The following AGBL4 variants were observed in gnomAD, a reference collection of about 807,000 sequenced individuals.
AGBL4 encodes cytosolic carboxypeptidase 6.
In AGBL4, 58 loss-of-function variants were observed where a neutral mutation model predicts 66.4. The ratio of observed to expected loss-of-function variants is 0.87; its 90% confidence interval spans 0.71 to 1.09. The LOEUF (loss-of-function observed/expected upper bound fraction) is 1.09. AGBL4 is among the 50% of genes least tolerant of loss of function. The pLI is 0.00. For missense variants in AGBL4, 579 were observed against 631.0 expected, an observed-to-expected ratio of 0.92 and a Z score of 0.88; for synonymous variants, 234 against 222.9, an observed-to-expected ratio of 1.05 and a Z score of -0.44.
At chr1:49,178,996 C>CA (rs1646880317) in intron 4 of AGBL4, among the ~76,000 whole-genome samples, 1 of 152,126 alleles carries the variant, frequency 6.6e-6, no homozygotes, top group Non-Finnish European at 1.5e-5. Flanking sequence ...GTCAGAGCTA[C>CA]AAAAATCCAT....
Position 50,001,497 on chromosome 1 carries a change from A to ATG in AGBL4, c.34+22264_34+22265dup, listed in dbSNP as rs538755098. Among the ~76,000 whole-genome samples the ATG allele has an allele frequency of 5.7e-4, 76 of 132,416 alleles. No homozygotes were observed. In the East Asian group the frequency reaches 0.012, roughly 20 times the overall value. The allele number at this position is 132,416 out of a possible 152,430, so 86.9% of individuals were successfully genotyped here. A position where few individuals can be genotyped will look rare whatever the true frequency, so the allele number is the denominator to read the frequency against. ...TGTGTCTATATATACATATATATGT[A>ATG]TGTGTGTGTGTATATATATATATAT... On this transcript the variant is annotated intron_variant, in intron 1 of 13. Transcript: ENST00000371839.
At chr1:49,877,163 G>A (rs897856488) in intron 1 of AGBL4, among the ~76,000 whole-genome samples, 46 of 151,278 alleles carry the variant, frequency 3.0e-4, no homozygotes, top group African/African-American at 8.1e-4. Flanking sequence ...CGTCTCCTGT[G>A]TGATTGCCCT....
intron 3 of AGBL4, among the ~76,000 whole-genome samples, chr1:49,440,121 G>C (rs533278734): frequency 1.2e-4 from 17 of 147,826 alleles, no homozygotes; most frequent in Non-Finnish European, 1.6e-4. Context: ...CCAGGCTGGA[G>C]TGCAGTGGTG....
At chr1:49,774,619 A>C (rs1644150565) in intron 2 of AGBL4, among the ~76,000 whole-genome samples, 1 of 152,208 alleles carries the variant, frequency 6.6e-6, no homozygotes, top group Non-Finnish European at 1.5e-5. Context: ...ATTCTATCTT[A>C]ATTGAAAAGA....
intron 6 of AGBL4, among the ~76,000 whole-genome samples, chr1:48,834,048 T>A (rs965872876): frequency 1.3e-5 from 2 of 152,128 alleles, no homozygotes; most frequent in African/African-American, 4.8e-5. Flanking sequence ...CTAATGGAGT[T>A]CTCCCTGGTA....
chr1:48,915,150 C>T (rs781544360), intron 5 of AGBL4, among the ~76,000 whole-genome samples: 6 of 152,194 alleles, frequency 3.9e-5, no homozygotes, highest in Non-Finnish European at 8.8e-5. Context: ...GTACTAACCT[C>T]TTCAGCTTCA....
At chr1:49,609,225 T>G (rs1261761489) in intron 3 of AGBL4, among the ~76,000 whole-genome samples, 4 of 152,162 alleles carry the variant, frequency 2.6e-5, no homozygotes, top group Non-Finnish European at 5.9e-5. Flanking sequence ...CAAGTCCAGA[T>G]CCATAGGGAC....
At chr1:49,073,906 C>A (rs1034754333) in intron 4 of AGBL4, among the ~76,000 whole-genome samples, 6 of 152,206 alleles carry the variant, frequency 3.9e-5, no homozygotes, top group Admixed American at 3.3e-4. Context: ...TTATCTATAA[C>A]TCTCTGACTG....
At chr1:49,744,055 A>T (rs886535724) in intron 2 of AGBL4, among the ~76,000 whole-genome samples, 6 of 139,476 alleles carry the variant, frequency 4.3e-5, no homozygotes, top group East Asian at 2.1e-4. Flanking sequence ...AAAGTATAAT[A>T]AAAAAAAAAG....
chr1:49,656,348 A>G (rs573028567), intron 3 of AGBL4, among the ~76,000 whole-genome samples: 2 of 152,326 alleles, frequency 1.3e-5, no homozygotes, highest in South Asian at 4.1e-4. Flanking sequence ...AGGCTCTGAA[A>G]TTGAGGCAAT....
chr1:48,916,282 A>C (rs1214825601), intron 5 of AGBL4, among the ~76,000 whole-genome samples: 1 of 152,208 alleles, frequency 6.6e-6, no homozygotes, highest in African/African-American at 2.4e-5. Flanking sequence ...GTTAGAGCAT[A>C]AACTTTCCCA....
At chr1:49,779,155 G>A (rs1644273740) in intron 2 of AGBL4, among the ~76,000 whole-genome samples, 1 of 152,152 alleles carries the variant, frequency 6.6e-6, no homozygotes, top group African/African-American at 2.4e-5. Flanking sequence ...CTATAAAATA[G>A]CACTCCTTAT....
chr1:49,349,390 A>T (rs1233971890), intron 3 of AGBL4, among the ~76,000 whole-genome samples: 3 of 152,126 alleles, frequency 2.0e-5, no homozygotes, highest in African/African-American at 7.2e-5. Context: ...GACTTTTGAC[A>T]AGCAATTACC....
chr1:50,008,734 GACAA>G (rs946802533), intron 1 of AGBL4, among the ~76,000 whole-genome samples: 12 of 151,890 alleles, frequency 7.9e-5, no homozygotes, highest in African/African-American at 2.9e-4. Flanking sequence ...TTTTTGAAAA[GACAA>G]ACAAAACTGA....
chr1:49,379,042 G>A (rs572640404), intron 3 of AGBL4, among the ~76,000 whole-genome samples: 2 of 152,248 alleles, frequency 1.3e-5, no homozygotes, highest in East Asian at 1.9e-4. Flanking sequence ...TAAGGAAAAT[G>A]TGGTAGGCCT....
chr1:49,447,590 T>C (rs1169725476), intron 3 of AGBL4, among the ~76,000 whole-genome samples: 1 of 152,166 alleles, frequency 6.6e-6, no homozygotes, highest in East Asian at 1.9e-4. Flanking sequence ...ATGAGTTCCC[T>C]GTCTGGTGCA....
At chr1:49,365,515 TTC>T (rs1439937775) in intron 3 of AGBL4, among the ~76,000 whole-genome samples, 1 of 150,940 alleles carries the variant, frequency 6.6e-6, no homozygotes, top group East Asian at 1.9e-4. Context: ...TTTATAATAA[TTC>T]TGTTTCACAG....
chr1:49,877,578 T>G (rs1557539042), intron 1 of AGBL4, among the ~76,000 whole-genome samples: 1 of 152,154 alleles, frequency 6.6e-6, no homozygotes, highest in East Asian at 1.9e-4. Context: ...TTATTGAGGA[T>G]TTTTGCATCG....
At chr1:49,371,084 C>G (rs992935601) in intron 3 of AGBL4, among the ~76,000 whole-genome samples, 1 of 152,202 alleles carries the variant, frequency 6.6e-6, no homozygotes, top group Non-Finnish European at 1.5e-5. Context: ...AATTGCACCA[C>G]AGGCTCCCCT....
Sources: allele counts gnomAD v4.1 joint callset (sites outside exome capture counted in the v4.1 genomes callset), GRCh38; gene constraint gnomAD v4.1.1; transcripts MANE v1.5; gene names NCBI Gene and HGNC (gene_info 2026-07-23, HGNC 2026-07-21).